Variants in ETNPPL observed in about 807,000 individuals in gnomAD.
The protein encoded by ETNPPL is ethanolamine-phosphate phospho-lyase.
In ETNPPL, 30 loss-of-function variants were observed where a neutral mutation model predicts 55.5. That is an observed-to-expected ratio of 0.54 (90% CI 0.40 to 0.73). The LOEUF is 0.73. Among genes scored for constraint, ETNPPL ranks in the 30% least tolerant of loss-of-function variants. ETNPPL has a pLI of 0.00. For missense variants in ETNPPL, 528 were observed against 607.9 expected (o/e 0.87, Z 1.38); for synonymous variants, 202 against 207.2 (o/e 0.98, Z 0.21).
intron 3 of ETNPPL, among the ~76,000 whole-genome samples, chr4:108,759,037 G>A (rs1004444092): frequency 2.6e-5 from 4 of 152,016 alleles, no homozygotes; most frequent in African/African-American, 7.3e-5. Context: ...GAACAAGAGC[G>A]AAACTCCATC....
chr4:108,743,157 G>A (rs999814514), intron 12 of ETNPPL, among the ~76,000 whole-genome samples: 4 of 152,114 alleles, frequency 2.6e-5, no homozygotes, highest in Admixed American at 6.5e-5. Context: ...TTTATGCATC[G>A]AACTCATAAA....
intron 1 of ETNPPL, among the ~76,000 whole-genome samples, chr4:108,761,350 C>A (rs1479916832): frequency 6.6e-6 from 1 of 151,964 alleles, no homozygotes; most frequent in African/African-American, 2.4e-5. Context: ...AGTAGGTAAC[C>A]TCAAATTTTA....
chr4:108,742,598 G>C lies in ETNPPL; in HGVS notation c.1386C>G (p.Ala462=). The C allele has an allele frequency of 3.1e-6, 5 of 1,613,964 alleles. No individual in the cohort carries two copies. Among genetic ancestry groups the C allele is most frequent in the Non-Finnish European group, 4.2e-6 (5 of 1,179,998 alleles). ...TGCTGTCCCTAAGCAGTTCTATGTGGGCTTCTTTCAGCATCTGCAAGACAG... is the reference window on the plus strand; with the variant it reads ...TGCTGTCCCTAAGCAGTTCTATGTGCGCTTCTTTCAGCATCTGCAAGACAG... The part of the protein sequence containing the change: ...TPCKTKMLKE[A]HIELLRDSTT... Residue 462 remains alanine (A), a synonymous_variant, in exon 13 of 13, where the codon GCC becomes GCG. Coordinates refer to ENST00000296486, the MANE Select transcript of ETNPPL (RefSeq NM_031279.4).
intron 3 of ETNPPL, among the ~76,000 whole-genome samples, chr4:108,756,876 A>AGATT (rs1235495919): frequency 1.3e-5 from 2 of 152,316 alleles, no homozygotes; most frequent in East Asian, 1.9e-4. Flanking sequence ...AAAAGTTGTA[A>AGATT]GATTACATTT....
chr4:108,746,835 T>C lies in ETNPPL; in HGVS notation c.1099A>G (p.Ile367Val), dbSNP rs1728526515. Residue 367 changes from isoleucine (I) to valine (V), a missense_variant, in exon 10 of 13, where the codon ATT becomes GTT. Ile to Val is a conservative substitution (Grantham distance 29). Transcript: ENST00000296486. ...TGGTCCTTCACTAAATCAATTCCAA[T>C]AAAAAGGCCAATGCCCCTGCGAGAG... Reference protein sequence around the residue: ...IGDIRGIGLFIGIDLVKDHLK... With the variant: ...IGDIRGIGLFVGIDLVKDHLK... The C allele has an allele frequency of 1.2e-6, 2 of 1,613,334 alleles. No homozygotes were observed. The highest frequency in any genetic ancestry group is 1.7e-5 in the Admixed American group (1 of 59,946).
chr4:108,745,455 G>A (rs1578374662), intron 11 of ETNPPL, among the ~76,000 whole-genome samples: 2 of 151,996 alleles, frequency 1.3e-5, no homozygotes, highest in Non-Finnish European at 2.9e-5. Context: ...TTAGCTGGGT[G>A]TGGTGGCATG....
In ETNPPL at chr4:108,748,149, T is replaced by G. The variant is rs766612933; in HGVS notation, c.938A>C (p.Asn313Thr). ...CAAACCAACAGCACAAGATACTGGA[T>G]TTCCTCCATACTGTAAAAAAAAAAA... The part of the protein sequence containing the change: ...GMEYFNTYGG[N>T]PVSCAVGLAV... The change falls in exon 9 of 13, where the codon AAT (asparagine) becomes ACT (threonine). Residue 313 changes from asparagine (N) to threonine (T), a missense_variant. Asn to Thr is a moderately conservative substitution (Grantham distance 65). Coordinates refer to ENST00000296486, the MANE Select transcript of ETNPPL (RefSeq NM_031279.4). 20 of 1,586,182 alleles carry G rather than the reference T, an allele frequency of 1.3e-5. No homozygotes were observed. Among genetic ancestry groups the G allele is most frequent in the Non-Finnish European group, 1.7e-5 (20 of 1,173,058 alleles).
intron 3 of ETNPPL, 135 bp from the exon 4 acceptor site, chr4:108,756,627 A>G (rs938240115): frequency 1.5e-6 from 1 of 650,862 alleles, no homozygotes; most frequent in Non-Finnish European, 2.7e-6. Flanking sequence ...GCCTGAGCTC[A>G]GAAGTTAGAG....
At chr4:108,747,843 C>T (rs1363218095) in intron 9 of ETNPPL, 162 bp downstream of exon 9, 52 of 555,016 alleles carry the variant, frequency 9.4e-5, no homozygotes, top group Non-Finnish European at 1.2e-4. Flanking sequence ...ATTCTCATGC[C>T]TCAGCCTCCC....
Position 108,759,168 on chromosome 4 carries a change from A to G in ETNPPL, c.335+581T>C, listed in dbSNP as rs376596801. Reference sequence around the variant, plus strand: ...ATTTTCAACAATCAAAAATCTTTAAAAAGTCTAGCTTGTTGCCAGGCGCAG... The same window carrying G: ...ATTTTCAACAATCAAAAATCTTTAAGAAGTCTAGCTTGTTGCCAGGCGCAG... On this transcript the variant is annotated intron_variant, in intron 3 of 12. Transcript: ENST00000296486. 1.1e-4 allele frequency among the ~76,000 whole-genome samples: 17 copies of G among 152,212 alleles called. No individual in the cohort carries two copies. The East Asian group carries it at 1.2e-3, about 10-fold the overall frequency.
intron 1 of ETNPPL, 29 bp downstream of exon 1, chr4:108,762,814 C>T (rs1425037473): frequency 6.2e-7 from 1 of 1,612,970 alleles, no homozygotes; most frequent in South Asian, 1.1e-5. Flanking sequence ...CCCCTCTCTG[C>T]ACTTACTTCC....
In ETNPPL at chr4:108,751,013, A is replaced by G. The variant is rs1346272845; in HGVS notation, c.624T>C (p.Ala208=). The G allele has an allele frequency of 6.2e-7, 1 of 1,612,016 alleles. No homozygotes were observed. Among genetic ancestry groups the G allele is most frequent in the Non-Finnish European group, 8.5e-7 (1 of 1,178,318 alleles). ...TCTGCATGGATTCAGCAATAAAGGC[A>G]GCAATCTATACAAGAGAAGATGGTG... ...EDAHNSGRKI[A]AFIAESMQSC... is the part of the protein sequence containing the mutation. The change falls in exon 7 of 13, where the codon GCT becomes GCC. Residue 208 remains alanine (A), a synonymous_variant. Coordinates refer to ENST00000296486, the MANE Select transcript of ETNPPL (RefSeq NM_031279.4).
At chr4:108,749,019 AACCTGC>A (rs1231905413) in intron 8 of ETNPPL, among the ~76,000 whole-genome samples, 4 of 152,166 alleles carry the variant, frequency 2.6e-5, no homozygotes, top group African/African-American at 9.6e-5. Context: ...CTATGTAACA[AACCTGC>A]ACATTCTACT....
At chr4:108,746,879 C>T (rs1311348314) in intron 9 of ETNPPL, 28 bp from the exon 10 acceptor site, 1 of 1,499,752 alleles carries the variant, frequency 6.7e-7, no homozygotes, top group Non-Finnish European at 9.3e-7. Flanking sequence ...AAACTTGACC[C>T]ACAATCTGTC....
chr4:108,751,810 T>A (rs1728924523), intron 6 of ETNPPL, among the ~76,000 whole-genome samples: 1 of 152,220 alleles, frequency 6.6e-6, no homozygotes, highest in South Asian at 2.1e-4. Flanking sequence ...CATCTAATAT[T>A]CTGAAGCACT....
Position 108,754,580 on chromosome 4 carries a change from C to T in ETNPPL, c.501+40G>A, listed in dbSNP as rs757353605. 6.8e-6 allele frequency: 7 copies of T among 1,029,746 alleles called. No homozygotes were observed. In the African/African-American group the frequency reaches 1.1e-4, roughly 16 times the overall value. 63.8% of individuals were successfully genotyped at this position (1,029,746 alleles called of 1,614,324 possible). A position where few individuals can be genotyped will look rare whatever the true frequency, so the allele number is the denominator to read the frequency against. ...GGCTGGATTATCATTAAGCATTCCT[C>T]CAATACAAACATTCTGATTTAGGAT... On this transcript the variant is annotated intron_variant, in intron 5 of 12. Transcript: ENST00000296486.
chr4:108,756,741 G>T (rs534774093), intron 3 of ETNPPL, among the ~76,000 whole-genome samples: 9 of 152,252 alleles, frequency 5.9e-5, no homozygotes, highest in African/African-American at 1.9e-4. Flanking sequence ...CAAGAGAATT[G>T]CTTCAACCTG....
At chr4:108,751,047 C>A (rs780037795) in intron 6 of ETNPPL, 29 bp from the exon 7 acceptor site, 1 of 1,523,856 alleles carries the variant, frequency 6.6e-7, no homozygotes, top group South Asian at 1.1e-5. Context: ...TGTCAAAGTC[C>A]ATTAGGTCCC....
At chr4:108,746,926 C>T (rs547323695) in intron 9 of ETNPPL, 75 bp from the exon 10 acceptor site, 1 of 886,188 alleles carries the variant, frequency 1.1e-6, no homozygotes, top group African/African-American at 1.7e-5. Context: ...ACACTATCAC[C>T]AAACTTCCAT....
Sources: allele counts gnomAD v4.1 joint callset (sites outside exome capture counted in the v4.1 genomes callset), GRCh38; gene constraint gnomAD v4.1.1; transcripts MANE v1.5; gene names NCBI Gene and HGNC (gene_info 2026-07-23, HGNC 2026-07-21).